Variants in CLUAP1 observed in about 807,000 individuals in gnomAD.
The protein encoded by CLUAP1 is clusterin-associated protein 1.
A neutral mutation model predicts 55.0 loss-of-function variants in CLUAP1; 50 were observed. The ratio of observed to expected loss-of-function variants is 0.91; its 90% CI spans 0.72 to 1.15. CLUAP1 has a LOEUF of 1.15. CLUAP1 is among the 50% of genes most tolerant of loss of function. The pLI is 0.00. For synonymous variants in CLUAP1, 195 were observed against 175.4 expected (o/e 1.11, Z -0.88); for missense variants, 530 against 507.6 (o/e 1.04, Z -0.42).
At chr16:3,508,567 C>A in intron 4 of CLUAP1, 99 bp downstream of exon 4, 3 of 1,116,484 alleles carry the variant, frequency 2.7e-6, no homozygotes, top group Non-Finnish European at 3.7e-6. Flanking sequence ...TTTCTTCCTC[C>A]TCAGCTGAGG....
intron 3 of CLUAP1, among the ~76,000 whole-genome samples, 170 bp from the exon 4 acceptor site, chr16:3,508,119 G>A (rs1325294921): frequency 2.0e-5 from 3 of 152,158 alleles, no homozygotes; most frequent in Admixed American, 6.5e-5. Flanking sequence ...CATCAAGATT[G>A]TCCCAGTTTA....
chr16:3,508,262 CTTTT>C lies in CLUAP1; in HGVS notation c.220-17_220-14del. 8 of 1,387,114 alleles carry C rather than the reference CTTTT, an allele frequency of 5.8e-6. No homozygotes were observed. The Admixed American group carries it at 9.2e-5, about 16-fold the overall frequency. The allele number at this position is 1,387,114 out of a possible 1,614,324, so 85.9% of individuals were successfully genotyped here. On this transcript the variant is annotated intron_variant, in intron 3 of 11. Coordinates refer to ENST00000576634, the MANE Select transcript of CLUAP1 (RefSeq NM_015041.3). The stretch of plus-strand genomic sequence containing the variant: ...GACATTACATGGAAAGGGCCTTCAA[CTTTT>C]TTTTTTTTTGGTCTAAAAATAGGCC...
chr16:3,532,594 T>C (rs566668168), intron 10 of CLUAP1, among the ~76,000 whole-genome samples, 192 bp from the exon 11 acceptor site: 1 of 151,886 alleles, frequency 6.6e-6, no homozygotes, highest in South Asian at 2.1e-4. Context: ...TTTAAAAAAA[T>C]TTCTGTAGAA....
chr16:3,522,070 A>C (rs921461669), intron 7 of CLUAP1, among the ~76,000 whole-genome samples: 34 of 152,236 alleles, frequency 2.2e-4, no homozygotes, highest in Admixed American at 8.5e-4. Context: ...ACAAACAAAA[A>C]AAAACCACCA....
Position 3,520,362 on chromosome 16 carries a change from G to A in CLUAP1, c.713+326G>A, listed in dbSNP as rs117980809. On this transcript the variant is annotated intron_variant, in intron 7 of 11. Coordinates refer to ENST00000576634, the MANE Select transcript of CLUAP1 (RefSeq NM_015041.3). ...ACTCCAGCCTGAGCCACAGAACAAG[G>A]CCGAGTAACAGAACAAGGCCCTGAC... Among the ~76,000 whole-genome samples the A allele has an allele frequency of 2.8e-3, 428 of 151,962 alleles. 1 individual carries two copies. The highest frequency in any genetic ancestry group is 5.1e-3 in the Non-Finnish European group (346 of 67,976).
At chr16:3,506,160 C>T (rs999474852) in intron 2 of CLUAP1, among the ~76,000 whole-genome samples, 171 bp from the exon 3 acceptor site, 1 of 152,196 alleles carries the variant, frequency 6.6e-6, no homozygotes, top group Admixed American at 6.5e-5. Flanking sequence ...TGGGGATTTG[C>T]TCCCTTGGTA....
At chr16:3,533,310 C>G in intron 11 of CLUAP1, 1 of 649,718 alleles carries the variant, frequency 1.5e-6, no homozygotes, top group Non-Finnish European at 2.7e-6. Flanking sequence ...ACTGAAGGCC[C>G]CTGTGCTAAA....
intron 11 of CLUAP1, 81 bp downstream of exon 11, chr16:3,532,922 C>G (rs980093566): frequency 2.6e-6 from 4 of 1,531,862 alleles, no homozygotes; most frequent in Non-Finnish European, 9.0e-7. Context: ...GAGTTGCTGT[C>G]AGCAGCCAGG....
chr16:3,499,650 G>C (rs2151035811), upstream of CLUAP1, among the ~76,000 whole-genome samples: 1 of 152,320 alleles, frequency 6.6e-6, no homozygotes, highest in East Asian at 1.9e-4. Flanking sequence ...TGAGTGTTGA[G>C]AGTTCTTGAT....
rs1480339075 is a variant in CLUAP1 at position 3,537,148 on chromosome 16, C to T, written c.*877C>T. On this transcript the variant is annotated 3_prime_UTR_variant, in exon 12 of 12. Coordinates refer to ENST00000576634, the MANE Select transcript of CLUAP1 (RefSeq NM_015041.3). The stretch of plus-strand genomic sequence containing the variant: ...GTCTAAAGTGTGGCAAGACATAGTG[C>T]ACAACACAGGGACAAAGGCAGGTTT... 1 of 152,182 alleles carries T rather than the reference C, an allele frequency of 6.6e-6. No homozygotes were observed. The highest frequency in any genetic ancestry group is 2.1e-4 in the South Asian group (1 of 4,824). 9.4% of individuals were successfully genotyped at this position (152,182 alleles called of 1,614,324 possible). A position where few individuals can be genotyped will look rare whatever the true frequency, so the allele number is the denominator to read the frequency against.
rs2037874419 is a variant in CLUAP1 at position 3,523,208 on chromosome 16, A to G, written c.764A>G (p.Gln255Arg). 1 of 1,613,822 alleles carries G rather than the reference A, an allele frequency of 6.2e-7. No homozygotes were observed. The highest frequency in any genetic ancestry group is 8.5e-7 in the Non-Finnish European group (1 of 1,179,874). ...YEKTEEELQK[Q>R]YDTYLEKFQN... is the part of the protein sequence containing the mutation. ...AAGACTGAGGAAGAATTACAAAAGC[A>G]GTATGACACTTATCTGGAGAAATTT... is the stretch of plus-strand genomic sequence containing the variant. The change falls in exon 8 of 12, where the codon CAG becomes CGG. Residue 255 changes from glutamine to arginine, a missense_variant. By Grantham distance (43) the Gln-to-Arg change is conservative. Coordinates refer to ENST00000576634, the MANE Select transcript of CLUAP1 (RefSeq NM_015041.3).
chr16:3,535,979 C>T (rs915416441), intron 11 of CLUAP1, 143 bp from the exon 12 acceptor site: 5 of 876,724 alleles, frequency 5.7e-6, no homozygotes, highest in Non-Finnish European at 8.6e-6. Context: ...CATCTGTATG[C>T]CCTCCCACAG....
At chr16:3,523,014 AT>A in intron 7 of CLUAP1, 143 bp from the exon 8 acceptor site, 1 of 541,396 alleles carries the variant, frequency 1.8e-6, no homozygotes, top group Non-Finnish European at 3.0e-6. Context: ...AAGGGAAAAT[AT>A]TTTTAAGCAT....
chr16:3,521,988 G>A (rs934812673), intron 7 of CLUAP1, among the ~76,000 whole-genome samples: 3 of 151,910 alleles, frequency 2.0e-5, no homozygotes, highest in Non-Finnish European at 2.9e-5. Context: ...GAGCCCAGGC[G>A]TTCGATGCTG....
Position 3,519,899 on chromosome 16 carries a change from A to G in CLUAP1, c.580-4A>G. ...CTTGTCTCATTATTTCCCATTAAAT[A>G]TAGACACAGGTTCAGAAGACTAAAG... On this transcript the variant is annotated splice_region_variant and splice_polypyrimidine_tract_variant and intron_variant, in intron 6 of 11. Transcript: ENST00000576634. The G allele has an allele frequency of 1.9e-6, 3 of 1,586,676 alleles. No homozygotes were observed. Among genetic ancestry groups the G allele is most frequent in the Middle Eastern group, 1.7e-4 (1 of 5,926 alleles).
In CLUAP1 at chr16:3,532,684, C is replaced by T. The variant is rs1044508886; in HGVS notation, c.1037-102C>T. 1.7e-4 allele frequency: 212 copies of T among 1,250,606 alleles called. 1 individual carries two copies. The highest frequency in any genetic ancestry group is 4.9e-4 in the Admixed American group (26 of 52,866). The allele number at this position is 1,250,606 out of a possible 1,614,324, so 77.5% of individuals were successfully genotyped here. On this transcript the variant is annotated intron_variant, in intron 10 of 11. Coordinates refer to ENST00000576634, the MANE Select transcript of CLUAP1 (RefSeq NM_015041.3). ...AGCCTCCCAAATTCCTGGGATTATACGCAAAAGCCAACATGCCTGGCCAGA... is the reference window on the plus strand; with the variant it reads ...AGCCTCCCAAATTCCTGGGATTATATGCAAAAGCCAACATGCCTGGCCAGA...
intron 3 of CLUAP1, among the ~76,000 whole-genome samples, chr16:3,507,402 TA>T (rs1044054768): frequency 7.3e-5 from 11 of 150,652 alleles, no homozygotes; most frequent in African/African-American, 2.4e-4. Flanking sequence ...AAAATAAATT[TA>T]AAAAAAATTA....
At chr16:3,524,181 T>C (rs2037893780) in intron 8 of CLUAP1, among the ~76,000 whole-genome samples, 1 of 151,620 alleles carries the variant, frequency 6.6e-6, no homozygotes, top group African/African-American at 2.4e-5. Context: ...ACACACCTGT[T>C]GTCTCAGCTA....
chr16:3,508,874 T>C (rs1226438801), intron 4 of CLUAP1, among the ~76,000 whole-genome samples: 1 of 148,942 alleles, frequency 6.7e-6, no homozygotes, highest in African/African-American at 2.5e-5. Context: ...GAAGGCCTCA[T>C]GGATTGGATG....
Sources: allele counts gnomAD v4.1 joint callset (sites outside exome capture counted in the v4.1 genomes callset), GRCh38; gene constraint gnomAD v4.1.1; transcripts MANE v1.5; gene names NCBI Gene and HGNC (gene_info 2026-07-23, HGNC 2026-07-21).